Variants in EPHB1 observed in about 807,000 individuals in gnomAD.
EPHB1 encodes ephrin type-B receptor 1.
EPHB1 carries 30 observed loss-of-function variants against 94.4 expected under a neutral mutation model. That is an observed-to-expected ratio of 0.32 (90% CI 0.24 to 0.43). EPHB1 has a LOEUF of 0.43. Among genes scored for constraint, EPHB1 ranks in the 20% least tolerant of loss-of-function variants. The pLI, the probability that EPHB1 is intolerant of heterozygous loss-of-function variation, is 1.00. For missense variants in EPHB1, 1,055 were observed against 1,308.3 expected (o/e 0.81, Z 2.99); for synonymous variants, 522 against 489.1 (o/e 1.07, Z -0.89).
At chr3:135,022,901 G>A (rs1936032490) in intron 3 of EPHB1, among the ~76,000 whole-genome samples, 1 of 152,178 alleles carries the variant, frequency 6.6e-6, no homozygotes. Flanking sequence ...AAAATCATAT[G>A]TTATAACTTT....
At chr3:135,049,250 A>AT in intron 3 of EPHB1, among the ~76,000 whole-genome samples, 1 of 152,300 alleles carries the variant, frequency 6.6e-6, no homozygotes. Flanking sequence ...CTGATGATCT[A>AT]TTGTCTAACA....
intron 2 of EPHB1, among the ~76,000 whole-genome samples, chr3:134,941,752 GACACACACACACAC>G (rs3067391): frequency 9.6e-4 from 129 of 134,794 alleles, no homozygotes; most frequent in Middle Eastern, 3.6e-3. Flanking sequence ...TATGCACACA[GACACACACACACAC>G]ACACACACAC....
chr3:134,898,785 C>G (rs1235438165), intron 1 of EPHB1, among the ~76,000 whole-genome samples: 2 of 152,168 alleles, frequency 1.3e-5, no homozygotes, highest in Non-Finnish European at 2.9e-5. Flanking sequence ...ATGGATCCAG[C>G]CTTCAGGGGA....
At chr3:135,162,822 T>C (rs1941547171) in intron 7 of EPHB1, among the ~76,000 whole-genome samples, 2 of 152,202 alleles carry the variant, frequency 1.3e-5, no homozygotes, top group African/African-American at 4.8e-5. Context: ...CCCCCAGCAA[T>C]AGTTCTGAAA....
chr3:135,015,015 G>A (rs956888992), intron 3 of EPHB1, among the ~76,000 whole-genome samples: 7 of 152,206 alleles, frequency 4.6e-5, no homozygotes, highest in Non-Finnish European at 7.3e-5. Context: ...GGCTGCAGGT[G>A]TGTGTGGAGG....
At chr3:134,965,283 T>C (rs1277632985) in intron 3 of EPHB1, among the ~76,000 whole-genome samples, 1 of 152,214 alleles carries the variant, frequency 6.6e-6, no homozygotes, top group African/African-American at 2.4e-5. Flanking sequence ...CCAAAGCTGT[T>C]CATTGTTGAA....
chr3:134,899,915 G>A (rs2038166848), intron 1 of EPHB1, among the ~76,000 whole-genome samples: 1 of 152,192 alleles, frequency 6.6e-6, no homozygotes, highest in Non-Finnish European at 1.5e-5. Context: ...TATACCTGGT[G>A]AGTTTGCAAG....
rs1369963755 is a variant in EPHB1 at position 135,241,073 on chromosome 3, A to G, written c.2347-75A>G. On this transcript the variant is annotated intron_variant, in intron 12 of 15. Transcript: ENST00000398015. ...GGAGTGAGAGTTTGGAAGAATGTGC[A>G]TGCCAAGTTTTTTATTGCCTGCCTT... 5.7e-6 allele frequency: 9 copies of G among 1,572,756 alleles called. No homozygotes were observed. In the South Asian group the frequency reaches 8.9e-5, roughly 16 times the overall value.
At chr3:135,068,443 G>A (rs527663871) in intron 3 of EPHB1, among the ~76,000 whole-genome samples, 5 of 151,962 alleles carry the variant, frequency 3.3e-5, no homozygotes, top group Non-Finnish European at 5.9e-5. Context: ...CTTTTCATGT[G>A]TTTACTGGGG....
intron 3 of EPHB1, among the ~76,000 whole-genome samples, chr3:135,026,446 C>T (rs1936174148): frequency 6.7e-6 from 1 of 149,876 alleles, no homozygotes; most frequent in East Asian, 2.0e-4. Flanking sequence ...AGCCAGTTTT[C>T]CCAGCACCAT....
At chr3:135,097,096 C>CAAAAAA (rs1182116389) in intron 3 of EPHB1, among the ~76,000 whole-genome samples, 1 of 83,510 alleles carries the variant, frequency 1.2e-5, no homozygotes, top group African/African-American at 5.4e-5. Context: ...ACTCTGTCTA[C>CAAAAAA]AAAAAAAAAA....
chr3:135,063,198 A>G (rs1937538161), intron 3 of EPHB1, among the ~76,000 whole-genome samples: 1 of 151,784 alleles, frequency 6.6e-6, no homozygotes. Flanking sequence ...TGAATTTTAG[A>G]ATTGTTTTTT....
At chr3:134,823,813 G>A (rs939183755) in intron 1 of EPHB1, 3 of 152,194 alleles carry the variant, frequency 2.0e-5, no homozygotes, top group African/African-American at 7.2e-5. Context: ...GTCTATGATA[G>A]CATCAGTTTC....
intron 12 of EPHB1, among the ~76,000 whole-genome samples, chr3:135,240,601 C>G (rs1334572850): frequency 2.0e-5 from 3 of 152,100 alleles, no homozygotes; most frequent in Non-Finnish European, 4.4e-5. Flanking sequence ...CTGCATGCTA[C>G]AGAGTTAGGG....
chr3:134,805,226 G>A (rs927829956), intron 1 of EPHB1, among the ~76,000 whole-genome samples: 1 of 152,122 alleles, frequency 6.6e-6, no homozygotes, highest in Non-Finnish European at 1.5e-5. Flanking sequence ...CGTTGTCACA[G>A]GACCAGAAAG....
At chr3:134,835,369 G>A (rs2036654298) in intron 1 of EPHB1, among the ~76,000 whole-genome samples, 1 of 152,176 alleles carries the variant, frequency 6.6e-6, no homozygotes, top group African/African-American at 2.4e-5. Flanking sequence ...TCCAGCCCAC[G>A]TGATTGCTAC....
At chr3:135,107,813 G>A (rs1939278603) in intron 4 of EPHB1, among the ~76,000 whole-genome samples, 1 of 152,080 alleles carries the variant, frequency 6.6e-6, no homozygotes, top group Non-Finnish European at 1.5e-5. Flanking sequence ...CTGAGGAAAA[G>A]CTCATCCTGT....
intron 2 of EPHB1, among the ~76,000 whole-genome samples, chr3:134,930,559 C>T (rs992610853): frequency 6.6e-6 from 1 of 152,206 alleles, no homozygotes; most frequent in Non-Finnish European, 1.5e-5. Flanking sequence ...GACTCCCTAA[C>T]CTTTACATTT....
At chr3:135,126,180 A>G (rs369941274) in intron 4 of EPHB1, among the ~76,000 whole-genome samples, 68 of 152,328 alleles carry the variant, frequency 4.5e-4, no homozygotes, top group African/African-American at 1.6e-3. Flanking sequence ...TAAAGTTGAT[A>G]TTGAAGTACA....
Sources: gnomAD v4.1 joint callset for allele counts (sites outside exome capture counted in the v4.1 genomes callset) on GRCh38, gnomAD v4.1.1 for gene constraint, MANE v1.5 for transcripts, NCBI Gene and HGNC (gene_info 2026-07-23, HGNC 2026-07-21) for gene names.